WARS2: variants seen among roughly 807,000 people sequenced by gnomAD.
WARS2 encodes the protein tryptophanyl tRNA synthetase 2, mitochondrial, also known as tryptophan--tRNA ligase, mitochondrial.
WARS2 carries 28 observed loss-of-function variants against 36.5 expected under a neutral mutation model. That is an observed-to-expected ratio of 0.77 (90% CI 0.57 to 1.05). The LOEUF is 1.05. Ranked by LOEUF, WARS2 falls within the 50% of genes least tolerant of loss-of-function variation. The pLI, the probability that WARS2 is intolerant of heterozygous loss-of-function variation, is 0.00. For synonymous variants in WARS2, 174 were observed against 178.4 expected, an observed-to-expected ratio of 0.98 and a Z score of 0.20; for missense variants, 435 against 456.8, an observed-to-expected ratio of 0.95 and a Z score of 0.44.
At chr1:119,094,474 T>C (rs888575098) in intron 1 of WARS2, among the ~76,000 whole-genome samples, 4 of 152,206 alleles carry the variant, frequency 2.6e-5, no homozygotes, top group African/African-American at 7.2e-5. Context: ...AAATAAGCAG[T>C]AAACTATTTC....
chr1:119,068,852 C>T (rs1338313882), intron 2 of WARS2, among the ~76,000 whole-genome samples: 1 of 123,272 alleles, frequency 8.1e-6, no homozygotes, highest in Non-Finnish European at 1.7e-5. Flanking sequence ...CACACACACA[C>T]ATACACACAC....
chr1:119,046,611 G>A (rs994538386), intron 2 of WARS2, among the ~76,000 whole-genome samples: 4 of 150,858 alleles, frequency 2.7e-5, no homozygotes, highest in Middle Eastern at 3.4e-3. Context: ...CCACCCCAGC[G>A]TCCCAAAGTG....
intron 2 of WARS2, among the ~76,000 whole-genome samples, chr1:119,073,278 A>G (rs1166921920): frequency 6.6e-6 from 1 of 152,172 alleles, no homozygotes; most frequent in Non-Finnish European, 1.5e-5. Context: ...ATATTTTTAA[A>G]TAAAATTACA....
intron 1 of WARS2, chr1:119,085,124 G>C (rs587606879): frequency 1.3e-6 from 1 of 782,596 alleles, no homozygotes; most frequent in African/African-American, 1.7e-5. Context: ...CAGAACGCCC[G>C]TTGTACGGGC....
At chr1:119,112,436 C>T (rs587736565) in intron 1 of WARS2, among the ~76,000 whole-genome samples, 1 of 152,214 alleles carries the variant, frequency 6.6e-6, no homozygotes, top group African/African-American at 2.4e-5. Flanking sequence ...GAGAGGGAGA[C>T]ATTTATGATG....
chr1:119,068,821 TCTTA>T (rs1651074917), intron 2 of WARS2, among the ~76,000 whole-genome samples: 1 of 117,802 alleles, frequency 8.5e-6, no homozygotes, highest in Admixed American at 7.6e-5. Context: ...TCCCTCTCTC[TCTTA>T]CTCTCTCTCT....
intron 1 of WARS2, among the ~76,000 whole-genome samples, chr1:119,128,157 C>T (rs779258681): frequency 2.1e-4 from 32 of 152,050 alleles, no homozygotes; most frequent in Non-Finnish European, 4.1e-4. Context: ...TCACTGCAAC[C>T]TCCGCCTCCT....
chr1:119,088,468 A>ACACACACACACACAC (rs56283720), intron 1 of WARS2, among the ~76,000 whole-genome samples: 1 of 150,048 alleles, frequency 6.7e-6, no homozygotes, highest in East Asian at 1.9e-4. Flanking sequence ...ACACACACAC[A>ACACACACACACACAC]AATAAAAGGA....
Position 119,102,686 on chromosome 1 carries a change from C to A in WARS2, c.91-26079G>T, listed in dbSNP as rs185812583. ...CAAATATTCCTTTAAGAACTTTATA[C>A]CTGCCACCACCACTTTAACTCTCTA... On this transcript the variant is annotated intron_variant, in intron 1 of 5. Coordinates refer to ENST00000235521, the MANE Select transcript of WARS2 (RefSeq NM_015836.4). 1.8e-4 allele frequency among the ~76,000 whole-genome samples: 28 copies of A among 152,282 alleles called. 1 individual carries two copies. Among genetic ancestry groups the A allele is most frequent in the African/African-American group, 6.7e-4 (28 of 41,562 alleles).
rs587610561 is a variant in WARS2, at chr1:119,072,573, T to C, written c.348+3777A>G. On this transcript the variant is annotated intron_variant, in intron 2 of 5. Coordinates refer to ENST00000235521, the MANE Select transcript of WARS2 (RefSeq NM_015836.4). ...AACTTTACAGGAAATAAATTAAAAT[T>C]TGATGAACAAATCAAAAGGCATAAA... is the stretch of plus-strand genomic sequence containing the variant. Among the ~76,000 whole-genome samples the C allele has an allele frequency of 1.4e-4, 22 of 152,238 alleles. No homozygotes were observed. In the East Asian group the frequency reaches 3.1e-3, roughly 21 times the overall value.
intron 2 of WARS2, among the ~76,000 whole-genome samples, chr1:119,061,463 G>C (rs1650374353): frequency 6.6e-6 from 1 of 152,154 alleles, no homozygotes. Flanking sequence ...TGGGAGGGCA[G>C]AAGAGTCACT....
chr1:119,126,580 G>A (rs781349291), intron 1 of WARS2: 20 of 639,748 alleles, frequency 3.1e-5, no homozygotes, highest in Middle Eastern at 4.5e-4. Context: ...CCATCAGTTC[G>A]TTCAACTTTA....
intron 1 of WARS2, among the ~76,000 whole-genome samples, chr1:119,095,784 T>C (rs1235903925): frequency 2.0e-5 from 3 of 152,220 alleles, no homozygotes; most frequent in Non-Finnish European, 4.4e-5. Flanking sequence ...GTCATATCTT[T>C]GAGCCTCTTA....
At chr1:119,091,101 A>T (rs1474128698) in intron 1 of WARS2, among the ~76,000 whole-genome samples, 1 of 152,254 alleles carries the variant, frequency 6.6e-6, no homozygotes, top group Non-Finnish European at 1.5e-5. Context: ...GAAACAATGT[A>T]GTGTAATCTA....
chr1:119,034,316 A>G, intron 4 of WARS2, 103 bp from the exon 5 acceptor site: 1 of 940,312 alleles, frequency 1.1e-6, no homozygotes, highest in Non-Finnish European at 1.7e-6. Flanking sequence ...CACTGTTGGT[A>G]TTCAACAAAT....
chr1:119,041,169 G>A (rs1301023961), intron 4 of WARS2, among the ~76,000 whole-genome samples: 1 of 152,182 alleles, frequency 6.6e-6, no homozygotes, highest in African/African-American at 2.4e-5. Context: ...GCTATTATCA[G>A]ACTTCCATGC....
chr1:119,070,651 G>A (rs899782913), intron 2 of WARS2, among the ~76,000 whole-genome samples: 1 of 151,856 alleles, frequency 6.6e-6, no homozygotes, highest in Non-Finnish European at 1.5e-5. Context: ...GCTGTGACAA[G>A]AGGACTGCTT....
intron 2 of WARS2, chr1:119,047,611 T>A (rs1455590947): frequency 6.6e-6 from 1 of 152,232 alleles, no homozygotes; most frequent in Non-Finnish European, 1.5e-5. Flanking sequence ...TTTTTACAAT[T>A]CATTTTTAAT....
At chr1:119,085,563 A>G (rs1652585428) in intron 1 of WARS2, 4 of 1,605,868 alleles carry the variant, frequency 2.5e-6, no homozygotes, top group Admixed American at 1.7e-5. Flanking sequence ...CTTCTCCTGG[A>G]GCTCTTTGGT....
Sources: allele counts gnomAD v4.1 joint callset (sites outside exome capture counted in the v4.1 genomes callset), GRCh38; gene constraint gnomAD v4.1.1; transcripts MANE v1.5; gene names NCBI Gene and HGNC (gene_info 2026-07-23, HGNC 2026-07-21).